Variants in AGAP1 observed in about 807,000 individuals in gnomAD.
The protein encoded by AGAP1 is ArfGAP with GTPase domain, ankyrin repeat and PH domain 1, also known as arf-GAP with GTPase, ANK repeat and PH domain-containing protein 1.
A neutral mutation model predicts 105.3 loss-of-function variants in AGAP1; 29 were observed. That is an observed-to-expected ratio of 0.28 (90% CI 0.21 to 0.38). The LOEUF (loss-of-function observed/expected upper bound fraction) is 0.38, where lower values mean the gene tolerates loss of function less well. Ranked by LOEUF, AGAP1 falls within the 10% of genes least tolerant of loss-of-function variation. The pLI is 1.00. For missense variants in AGAP1, 998 were observed against 1,165.1 expected (o/e 0.86, Z 2.09); for synonymous variants, 509 against 485.9 (o/e 1.05, Z -0.63).
intron 11 of AGAP1, among the ~76,000 whole-genome samples, chr2:235,911,326 A>G (rs1311705390): frequency 6.6e-6 from 1 of 152,072 alleles, no homozygotes; most frequent in East Asian, 1.9e-4. Context: ...GGCTGTGTAA[A>G]GGGCAGGGCT....
At position 235,577,832 on chromosome 2, in the gene AGAP1, A is replaced by G. The variant is rs1042406248; in HGVS notation, c.163+82983A>G. On this transcript the variant is annotated intron_variant, in intron 1 of 17. Coordinates refer to ENST00000304032, the MANE Select transcript of AGAP1 (RefSeq NM_001037131.3). This position sits in a 1 kb window ranked among gnomAD's most constrained non-coding sequence, Gnocchi z 4.5. ...AATCCCTCCTTCAGCGCTGCACAAAAGGCCCATGTCTGCTCGCTGGGACCT... is the reference window on the plus strand; with the variant it reads ...AATCCCTCCTTCAGCGCTGCACAAAGGGCCCATGTCTGCTCGCTGGGACCT... Among the ~76,000 whole-genome samples, 9 of 151,950 alleles carry G rather than the reference A, an allele frequency of 5.9e-5. No individual in the cohort carries two copies. Among genetic ancestry groups the G allele is most frequent in the African/African-American group, 2.2e-4 (9 of 41,358 alleles).
Position 236,020,858 on chromosome 2 carries a change from G to A in AGAP1, c.1646-15703G>A, listed in dbSNP as rs968790804. On this transcript the variant is annotated intron_variant, in intron 13 of 17. Coordinates refer to ENST00000304032, the MANE Select transcript of AGAP1 (RefSeq NM_001037131.3). This position sits in a 1 kb window ranked among gnomAD's most constrained non-coding sequence, Gnocchi z 5.0. Reference sequence around the variant, plus strand: ...AGCCACCCCTCCTCAGTGATGAGCAGCACCAACTAAGAACTAATGCAGGTA... The same window carrying A: ...AGCCACCCCTCCTCAGTGATGAGCAACACCAACTAAGAACTAATGCAGGTA... 1.2e-4 allele frequency among the ~76,000 whole-genome samples: 18 copies of A among 152,128 alleles called. No individual in the cohort carries two copies. The highest frequency in any genetic ancestry group is 2.2e-4 in the Non-Finnish European group (15 of 68,010).
In AGAP1 at chr2:235,964,988, C is replaced by T. The variant is rs372265651; in HGVS notation, c.1484-3474C>T. On this transcript the variant is annotated intron_variant, in intron 12 of 17. Transcript: ENST00000304032. This position sits in a 1 kb window ranked among gnomAD's most constrained non-coding sequence, Gnocchi z 4.6. ...GGGAAGTGTCTTATTTAAACCTGCCCGCTCCCACCTCTGCAGTTCCACCAC... is the reference window on the plus strand; with the variant it reads ...GGGAAGTGTCTTATTTAAACCTGCCTGCTCCCACCTCTGCAGTTCCACCAC... 2.6e-5 allele frequency among the ~76,000 whole-genome samples: 4 copies of T among 152,124 alleles called. No individual in the cohort carries two copies. The highest frequency in any genetic ancestry group is 1.9e-4 in the East Asian group (1 of 5,196).
In AGAP1 at chr2:236,012,764, A is replaced by AATTATTATT. The variant is rs35595393; in HGVS notation, c.1646-23778_1646-23770dup. 0.011 allele frequency among the ~76,000 whole-genome samples: 1,623 copies of AATTATTATT among 148,760 alleles called. 21 individuals are homozygous for AATTATTATT. The highest frequency in any genetic ancestry group is 0.033 in the African/African-American group (1,323 of 40,448). ...CTAGTTTAGAGGTTGTTTCTTACTA[A>AATTATTATT]ATTATTATTATTATTATTATTATTA... On this transcript the variant is annotated intron_variant, in intron 13 of 17. Transcript: ENST00000304032. This position sits in a 1 kb window ranked among gnomAD's most constrained non-coding sequence, Gnocchi z 4.9.
Position 235,787,622 on chromosome 2 carries a change from T to C in AGAP1, c.674-10137T>C, listed in dbSNP as rs1956730255. Among the ~76,000 whole-genome samples, 1 of 152,174 alleles carries C rather than the reference T, an allele frequency of 6.6e-6. No homozygotes were observed. Among genetic ancestry groups the C allele is most frequent in the Non-Finnish European group, 1.5e-5 (1 of 68,028 alleles). On this transcript the variant is annotated intron_variant, in intron 6 of 17. Coordinates refer to ENST00000304032, the MANE Select transcript of AGAP1 (RefSeq NM_001037131.3). This position sits in a 1 kb window ranked among gnomAD's most constrained non-coding sequence, Gnocchi z 4.4. ...CCCACATCTAGCAAATTGCCTGGCA[T>C]ATACTAGTTGCTCAATAAAAACAGT...
chr2:235,675,415 G>C (rs1033980358), intron 1 of AGAP1, among the ~76,000 whole-genome samples: 1 of 151,950 alleles, frequency 6.6e-6, no homozygotes, highest in Non-Finnish European at 1.5e-5. Context: ...TCCTGACCTC[G>C]TGATACACCC....
In AGAP1 at chr2:235,801,708, G is replaced by T. The variant is rs1281711135; in HGVS notation, c.957+2186G>T. Among the ~76,000 whole-genome samples the T allele has an allele frequency of 6.6e-6, 1 of 152,154 alleles. No homozygotes were observed. Among genetic ancestry groups the T allele is most frequent in the African/African-American group, 2.4e-5 (1 of 41,444 alleles). On this transcript the variant is annotated intron_variant, in intron 8 of 17. Transcript: ENST00000304032. The surrounding 1 kb of genome is among the most constrained non-coding windows in gnomAD (Gnocchi z 6.0). ...TGGATTGAGAGAAGGTGGGCTGTGG[G>T]CAGGCGGCCTGTGCCCCGGGAGGAG...
Position 235,621,492 on chromosome 2 carries a change from C to T in AGAP1, c.164-87687C>T, listed in dbSNP as rs1363861310. Among the ~76,000 whole-genome samples the T allele has an allele frequency of 1.3e-5, 2 of 152,146 alleles. No individual in the cohort carries two copies. Among genetic ancestry groups the T allele is most frequent in the East Asian group, 3.9e-4 (2 of 5,180 alleles). On this transcript the variant is annotated intron_variant, in intron 1 of 17. Coordinates refer to ENST00000304032, the MANE Select transcript of AGAP1 (RefSeq NM_001037131.3). The surrounding 1 kb of genome is among the most constrained non-coding windows in gnomAD (Gnocchi z 4.1). ...TTGGCGTTGGCACCATTCTTACCTCCTATACCTACGAGGCTGTCATGTGAA... is the reference window on the plus strand; with the variant it reads ...TTGGCGTTGGCACCATTCTTACCTCTTATACCTACGAGGCTGTCATGTGAA...
At position 236,083,015 on chromosome 2, in the gene AGAP1, C is replaced by G. The variant is rs553425953; in HGVS notation, c.2114+33734C>G. ...TACTAAAAATACAAAATTAGGCAGG[C>G]GTGGTGGTGCACGCCTGTAATCCCA... is the stretch of plus-strand genomic sequence containing the variant. On this transcript the variant is annotated intron_variant, in intron 16 of 17. Coordinates refer to ENST00000304032, the MANE Select transcript of AGAP1 (RefSeq NM_001037131.3). The surrounding 1 kb of genome is among the most constrained non-coding windows in gnomAD (Gnocchi z 5.3). Among the ~76,000 whole-genome samples the G allele has an allele frequency of 6.6e-6, 1 of 151,862 alleles. No homozygotes were observed. The highest frequency in any genetic ancestry group is 2.4e-5 in the African/African-American group (1 of 41,334).
intron 10 of AGAP1, among the ~76,000 whole-genome samples, chr2:235,899,411 G>A (rs2050956759): frequency 6.6e-6 from 1 of 152,214 alleles, no homozygotes; most frequent in African/African-American, 2.4e-5. Context: ...TACTTGGGAG[G>A]CTGAGGCAGG....
chr2:235,635,313 C>T lies in AGAP1; in HGVS notation c.164-73866C>T, dbSNP rs190923612. On this transcript the variant is annotated intron_variant, in intron 1 of 17. Transcript: ENST00000304032. This position sits in a 1 kb window ranked among gnomAD's most constrained non-coding sequence, Gnocchi z 5.3. Reference sequence around the variant, plus strand: ...GACTTAGCAGAGGATGAAGCACTCCCGTGAGTGAGCTGCGCACAGTCTCCT... The same window carrying T: ...GACTTAGCAGAGGATGAAGCACTCCTGTGAGTGAGCTGCGCACAGTCTCCT... Among the ~76,000 whole-genome samples the T allele has an allele frequency of 1.3e-5, 2 of 152,296 alleles. No homozygotes were observed. Among genetic ancestry groups the T allele is most frequent in the South Asian group, 2.1e-4 (1 of 4,828 alleles).
intron 1 of AGAP1, among the ~76,000 whole-genome samples, chr2:235,656,037 C>T (rs902960136): frequency 3.9e-5 from 6 of 152,186 alleles, no homozygotes; most frequent in African/African-American, 1.4e-4. Flanking sequence ...AGCAGTCCAT[C>T]GCACGTTTCT....
intron 9 of AGAP1, among the ~76,000 whole-genome samples, chr2:235,859,385 C>G (rs1315638922): frequency 2.0e-5 from 2 of 99,826 alleles, no homozygotes; most frequent in Admixed American, 2.2e-4. Flanking sequence ...AACTCTCCCC[C>G]CACAACCTCC....
rs1323137261 is a variant in AGAP1, at chr2:236,078,983, A to T, written c.2114+29702A>T. 6.6e-6 allele frequency among the ~76,000 whole-genome samples: 1 copy of T among 152,042 alleles called. No homozygotes were observed. The highest frequency in any genetic ancestry group is 1.5e-5 in the Non-Finnish European group (1 of 68,010). On this transcript the variant is annotated intron_variant, in intron 16 of 17. Transcript: ENST00000304032. The surrounding 1 kb of genome is among the most constrained non-coding windows in gnomAD (Gnocchi z 5.3). ...GTTCCAGTCCCGTCCCTTTAGCCTC[A>T]TCCCTCATGGGGGAAGATACCTGAT...
intron 11 of AGAP1, among the ~76,000 whole-genome samples, chr2:235,914,040 G>A (rs2051753262): frequency 6.6e-6 from 1 of 151,862 alleles, no homozygotes; most frequent in African/African-American, 2.4e-5. Flanking sequence ...GGTGCATTGT[G>A]AAGCTAATCC....
At chr2:235,933,794 G>A (rs1296607148) in intron 12 of AGAP1, among the ~76,000 whole-genome samples, 1 of 151,914 alleles carries the variant, frequency 6.6e-6, no homozygotes, top group Admixed American at 6.6e-5. Flanking sequence ...GCCTCCCAAA[G>A]TGCTGGGATT....
At chr2:235,670,712 T>G in intron 1 of AGAP1, 1 of 786,876 alleles carries the variant, frequency 1.3e-6, no homozygotes, top group Non-Finnish European at 2.1e-6. Flanking sequence ...GCAGCCCGCC[T>G]CGGAGAAGCG....
chr2:235,508,977 C>T (rs558355079), intron 1 of AGAP1, among the ~76,000 whole-genome samples: 26 of 152,286 alleles, frequency 1.7e-4, no homozygotes, highest in South Asian at 6.2e-4. Flanking sequence ...CCACTTTAGT[C>T]GGGGGCGTGG....
intron 12 of AGAP1, among the ~76,000 whole-genome samples, chr2:235,949,780 C>T (rs903641619): frequency 5.3e-5 from 8 of 152,286 alleles, no homozygotes; most frequent in South Asian, 4.2e-4. Flanking sequence ...CCAGCCACGC[C>T]GCACCCCCGA....
Sources: allele counts gnomAD v4.1 joint callset (sites outside exome capture counted in the v4.1 genomes callset), GRCh38; gene constraint gnomAD v4.1.1; non-coding constraint Gnocchi (gnomAD v3.1); transcripts MANE v1.5; gene names NCBI Gene and HGNC (gene_info 2026-07-23, HGNC 2026-07-21).